The following LGMN variants were observed in gnomAD, a reference collection of about 807,000 sequenced individuals.
LGMN encodes the protein asparaginyl endopeptidase.
Under a neutral mutation model 56.8 loss-of-function variants are expected in LGMN, and 36 were observed. That is an observed-to-expected ratio of 0.63 (90% CI 0.49 to 0.84). The LOEUF is 0.84. Among genes scored for constraint, LGMN ranks in the 40% least tolerant of loss-of-function variants. The pLI is 0.00. For missense variants in LGMN, 446 were observed against 556.1 expected, an observed-to-expected ratio of 0.80 and a Z score of 1.99; for synonymous variants, 199 against 210.1, an observed-to-expected ratio of 0.95 and a Z score of 0.46.
chr14:92,748,120 G>C (rs995627642), intron 1 of LGMN, among the ~76,000 whole-genome samples: 15 of 152,124 alleles, frequency 9.9e-5, no homozygotes, highest in African/African-American at 3.1e-4. Context: ...ACTGTTCCTA[G>C]GTCGTAAAGG....
intron 10 of LGMN, 74 bp downstream of exon 10, chr14:92,711,585 A>C: frequency 1.5e-4 from 201 of 1,299,006 alleles, no homozygotes; most frequent in Non-Finnish European, 2.0e-4. Flanking sequence ...CTCTTTAGCA[A>C]GAGATCAATA....
At chr14:92,704,589 C>A (rs542436854) in intron 13 of LGMN, 51 bp downstream of exon 13, 1 of 1,483,860 alleles carries the variant, frequency 6.7e-7, no homozygotes, top group East Asian at 2.3e-5. Context: ...GCAGCCCCTT[C>A]TGCTTTCAGA....
chr14:92,745,871 G>C (rs1405157229), intron 1 of LGMN, among the ~76,000 whole-genome samples: 1 of 151,946 alleles, frequency 6.6e-6, no homozygotes, highest in African/African-American at 2.4e-5. Flanking sequence ...GGCCAGGCTG[G>C]AGTGCAGTGG....
At chr14:92,717,568 C>A (rs1890133586) in intron 3 of LGMN, 107 bp from the exon 4 acceptor site, 2 of 810,186 alleles carry the variant, frequency 2.5e-6, no homozygotes, top group South Asian at 1.7e-5. Flanking sequence ...CTATGTTGGT[C>A]AAAGAAACAA....
At chr14:92,719,173 ACCACCACCATCACCACCACCG>A in intron 2 of LGMN, among the ~76,000 whole-genome samples, 3 of 123,874 alleles carry the variant, frequency 2.4e-5, no homozygotes, top group African/African-American at 9.5e-5. Context: ...CACCACCACC[ACCACCACCATCACCACCACCG>A]CCACCAACAC....
chr14:92,729,029 C>T (rs17736427), intron 2 of LGMN, among the ~76,000 whole-genome samples: 47,871 of 151,892 alleles, frequency 0.32, 7,960 homozygotes, highest in East Asian at 0.59. Context: ...TCGCCAGCAC[C>T]CTGAACGGCA....
intron 2 of LGMN, among the ~76,000 whole-genome samples, chr14:92,723,725 A>G (rs1890604166): frequency 7.2e-6 from 1 of 138,342 alleles, no homozygotes; most frequent in Admixed American, 7.4e-5. Flanking sequence ...GGAACTGCAA[A>G]TATGCCCAAA....
chr14:92,731,650 A>G (rs1428586775), intron 2 of LGMN, among the ~76,000 whole-genome samples: 12 of 152,338 alleles, frequency 7.9e-5, no homozygotes, highest in South Asian at 4.1e-4. Context: ...CGGTCAAATA[A>G]TATCTTCTTA....
chr14:92,748,300 G>A (rs1490711499), intron 1 of LGMN, among the ~76,000 whole-genome samples, 189 bp downstream of exon 1: 2 of 152,096 alleles, frequency 1.3e-5, no homozygotes, highest in Non-Finnish European at 2.9e-5. Flanking sequence ...GAGGCCACAG[G>A]GTTTCCCTTC....
Position 92,706,565 on chromosome 14 carries a change from C to G in LGMN, c.1109G>C (p.Arg370Thr). Residue 370 changes from arginine to threonine, a missense_variant, in exon 12 of 14, where the codon AGA becomes ACA. Physicochemically the swap from Arg to Thr is moderately conservative, Grantham distance 71. Coordinates refer to ENST00000334869, the MANE Select transcript of LGMN (RefSeq NM_005606.7). Reference sequence around the variant, plus strand: ...GCAGCTGTGCCCCGTGAGCGGGGCTCTCTCGGACAGGAGCTGCTCCACCTC... The same window carrying G: ...GCAGCTGTGCCCCGTGAGCGGGGCTGTCTCGGACAGGAGCTGCTCCACCTC... ...EAEVEQLLSE[R>T]APLTGHSCYP... is the part of the protein sequence containing the mutation. 6.2e-7 allele frequency: 1 copy of G among 1,605,272 alleles called. No homozygotes were observed. Among genetic ancestry groups the G allele is most frequent in the South Asian group, 1.1e-5 (1 of 90,708 alleles).
rs1480159967 is a variant in LGMN at position 92,714,943 on chromosome 14, C to T, written c.405-492G>A. On this transcript the variant is annotated intron_variant, in intron 5 of 13. Coordinates refer to ENST00000334869, the MANE Select transcript of LGMN (RefSeq NM_005606.7). The surrounding 1 kb of genome is among the most constrained non-coding windows in gnomAD (Gnocchi z 5.1). The stretch of plus-strand genomic sequence containing the variant: ...CTTCAAAGTGGCAGAGATGTAGTAA[C>T]TTACATGAAGCCAATTTGGTTCACC... 2.0e-5 allele frequency among the ~76,000 whole-genome samples: 3 copies of T among 151,902 alleles called. No individual in the cohort carries two copies. The highest frequency in any genetic ancestry group is 7.3e-5 in the African/African-American group (3 of 41,334).
At chr14:92,717,155 G>T (rs189958989) in intron 4 of LGMN, among the ~76,000 whole-genome samples, 161 of 152,274 alleles carry the variant, frequency 1.1e-3, no homozygotes, top group Non-Finnish European at 1.5e-3. Context: ...TGAGAAGACT[G>T]GGAACTATCA....
chr14:92,743,801 C>T (rs75678834), intron 1 of LGMN, among the ~76,000 whole-genome samples: 1 of 94,978 alleles, frequency 1.1e-5, no homozygotes, highest in Non-Finnish European at 2.4e-5. Context: ...GACTCTGTCT[C>T]AAAAAAAAAA....
chr14:92,707,249 T>TAA (rs11437706), intron 11 of LGMN, among the ~76,000 whole-genome samples: 152 of 144,008 alleles, frequency 1.1e-3, no homozygotes, highest in African/African-American at 1.1e-3. Flanking sequence ...ATCAAAAAAC[T>TAA]AAAAAAAAAA....
chr14:92,729,597 T>C (rs1890944463), intron 2 of LGMN, among the ~76,000 whole-genome samples: 1 of 151,560 alleles, frequency 6.6e-6, no homozygotes, highest in African/African-American at 2.4e-5. Flanking sequence ...TAGCAATGAT[T>C]TATTTGTGCC....
chr14:92,708,855 T>TCAA lies in LGMN; in HGVS notation c.1020+814_1020+816dup, dbSNP rs1251755660. On this transcript the variant is annotated intron_variant, in intron 11 of 13. Coordinates refer to ENST00000334869, the MANE Select transcript of LGMN (RefSeq NM_005606.7). ...CTGGCGACAGAGCAAGACTCTTGTC[T>TCAA]CAAAAAAAAAAAAAAAAAAAAAAAA... Among the ~76,000 whole-genome samples, 6 of 25,926 alleles carry TCAA rather than the reference T, an allele frequency of 2.3e-4. No individual in the cohort carries two copies. The Admixed American group carries it at 2.8e-3, about 12-fold the overall frequency. The allele number at this position is 25,926 out of a possible 152,430, so 17.0% of individuals were successfully genotyped here.
chr14:92,706,361 G>A, intron 12 of LGMN, 122 bp downstream of exon 12: 2 of 770,826 alleles, frequency 2.6e-6, no homozygotes, highest in South Asian at 3.3e-5. Context: ...TCTCTGAAAT[G>A]AGCCCACTGT....
chr14:92,735,833 A>T (rs2140269962), intron 1 of LGMN, among the ~76,000 whole-genome samples: 1 of 151,478 alleles, frequency 6.6e-6, no homozygotes, highest in South Asian at 2.1e-4. Flanking sequence ...AGCGGCTAGT[A>T]TGGCACATAA....
At chr14:92,716,379 T>G (rs1890079078) in intron 4 of LGMN, among the ~76,000 whole-genome samples, 158 bp from the exon 5 acceptor site, 1 of 152,202 alleles carries the variant, frequency 6.6e-6, no homozygotes, top group South Asian at 2.1e-4. Flanking sequence ...ACGCCTGTAA[T>G]CCTAGCACTT....
Sources: gnomAD v4.1 joint callset for allele counts (sites outside exome capture counted in the v4.1 genomes callset) on GRCh38, gnomAD v4.1.1 for gene constraint, Gnocchi (gnomAD v3.1) non-coding constraint, MANE v1.5 for transcripts, NCBI Gene and HGNC (gene_info 2026-07-23, HGNC 2026-07-21) for gene names.